ARB2A: variants seen among roughly 807,000 people sequenced by gnomAD.
ARB2A encodes the protein cotranscriptional regulator ARB2A.
the ARB2A span, among the ~76,000 whole-genome samples, chr5:93,886,138 T>A: frequency 1.3e-5 from 2 of 151,804 alleles, no homozygotes; most frequent in African/African-American, 4.8e-5. Flanking sequence ...CTTATCCACG[T>A]TAATTTACCT....
At chr5:93,712,537 T>C in the ARB2A span, among the ~76,000 whole-genome samples, 1 of 152,172 alleles carries the variant, frequency 6.6e-6, no homozygotes, top group Admixed American at 6.5e-5. Context: ...GTTATGGTCC[T>C]GTATGTAGAA....
chr5:93,717,140 C>T, the ARB2A span, among the ~76,000 whole-genome samples: 1 of 152,052 alleles, frequency 6.6e-6, no homozygotes, highest in Non-Finnish European at 1.5e-5. Flanking sequence ...GAGATGGTAT[C>T]TATTGAGCAA....
At chr5:94,074,656 G>A in the ARB2A span, 38 of 1,611,420 alleles carry the variant, frequency 2.4e-5, no homozygotes, top group Middle Eastern at 6.6e-4. Flanking sequence ...CTTTCAGTGC[G>A]GTAGTCTTTT....
At chr5:93,934,024 A>C in the ARB2A span, among the ~76,000 whole-genome samples, 1 of 151,992 alleles carries the variant, frequency 6.6e-6, no homozygotes, top group Non-Finnish European at 1.5e-5. Context: ...AAAAAAAGGA[A>C]GATAGAGGGC....
chr5:93,777,278 T>C, the ARB2A span, among the ~76,000 whole-genome samples: 1 of 151,762 alleles, frequency 6.6e-6, no homozygotes, highest in African/African-American at 2.4e-5. Context: ...CTGCACATTG[T>C]GCACATGTAC....
the ARB2A span, among the ~76,000 whole-genome samples, chr5:93,986,684 G>A: frequency 6.6e-6 from 1 of 152,186 alleles, no homozygotes; most frequent in African/African-American, 2.4e-5. Context: ...AAACTCTTCT[G>A]CCTTGGGATG....
the ARB2A span, among the ~76,000 whole-genome samples, chr5:93,704,058 C>T: frequency 6.8e-6 from 1 of 147,836 alleles, no homozygotes; most frequent in East Asian, 1.9e-4. Flanking sequence ...AAAGTGGCAT[C>T]ATACTGCATG....
chr5:93,800,417 A>G, the ARB2A span, among the ~76,000 whole-genome samples: 4 of 151,524 alleles, frequency 2.6e-5, no homozygotes, highest in African/African-American at 7.3e-5. Context: ...ACACACACAC[A>G]CACACACGCA....
At chr5:93,722,308 G>A in the ARB2A span, among the ~76,000 whole-genome samples, 1 of 151,896 alleles carries the variant, frequency 6.6e-6, no homozygotes, top group African/African-American at 2.4e-5. Flanking sequence ...TCTTTTCTTT[G>A]GGGTTGTGTG....
At chr5:93,965,233 T>G in the ARB2A span, among the ~76,000 whole-genome samples, 1 of 152,052 alleles carries the variant, frequency 6.6e-6, no homozygotes, top group African/African-American at 2.4e-5. Flanking sequence ...AACTGGCTAT[T>G]GCTTGTTTTC....
At chr5:93,738,076 A>G in the ARB2A span, 1 of 309,262 alleles carries the variant, frequency 3.2e-6, no homozygotes, top group African/African-American at 2.2e-5. Flanking sequence ...TCTATCTGAT[A>G]AGGGCTTAAT....
chr5:93,831,276 C>T, the ARB2A span, among the ~76,000 whole-genome samples: 4 of 144,094 alleles, frequency 2.8e-5, no homozygotes, highest in Admixed American at 2.9e-4. Context: ...TGAAGCCTTG[C>T]TCTGATCAAG....
the ARB2A span, among the ~76,000 whole-genome samples, chr5:93,770,865 G>A: frequency 2.2e-4 from 33 of 151,900 alleles, no homozygotes; most frequent in African/African-American, 7.5e-4. Context: ...TATCATGAAA[G>A]TGGCCATACT....
At chr5:93,956,428 T>C in the ARB2A span, among the ~76,000 whole-genome samples, 1 of 152,310 alleles carries the variant, frequency 6.6e-6, no homozygotes, top group African/African-American at 2.4e-5. Context: ...AATCCAATTT[T>C]AGGAATTTCA....
the ARB2A span, among the ~76,000 whole-genome samples, chr5:93,847,734 A>T: frequency 6.6e-6 from 1 of 152,190 alleles, no homozygotes; most frequent in South Asian, 2.1e-4. Flanking sequence ...ACATGTATTA[A>T]ACTACTACTA....
chr5:94,070,127 T>C, the ARB2A span, among the ~76,000 whole-genome samples: 15 of 135,098 alleles, frequency 1.1e-4, no homozygotes, highest in African/African-American at 4.1e-4. Flanking sequence ...GATATATATA[T>C]ACAAAAAGGA....
chr5:94,057,439 G>A, the ARB2A span, among the ~76,000 whole-genome samples: 1 of 152,068 alleles, frequency 6.6e-6, no homozygotes, highest in Admixed American at 6.6e-5. Flanking sequence ...GTTTTGCAAG[G>A]TGCAGAGTTC....
At chr5:93,871,590 A>T in the ARB2A span, among the ~76,000 whole-genome samples, 1 of 152,178 alleles carries the variant, frequency 6.6e-6, no homozygotes, top group South Asian at 2.1e-4. Context: ...ATTATAAGAG[A>T]GGAAATATAG....
chr5:93,722,265 T>G, the ARB2A span, among the ~76,000 whole-genome samples: 1 of 152,282 alleles, frequency 6.6e-6, no homozygotes, highest in African/African-American at 2.4e-5. Context: ...TTAATGTGTG[T>G]TCAGTGACCT....
Sources: allele counts gnomAD v4.1 joint callset (sites outside exome capture counted in the v4.1 genomes callset), GRCh38; gene constraint gnomAD v4.1.1; transcripts MANE v1.5; gene names NCBI Gene and HGNC (gene_info 2026-07-23, HGNC 2026-07-21).